The following SRSF3 variants were observed in gnomAD, a reference collection of about 807,000 sequenced individuals.
The protein encoded by SRSF3 is serine/arginine-rich splicing factor 3.
For missense variants in SRSF3, 58 were observed against 217.1 expected, an observed-to-expected ratio of 0.27 and a Z score of 4.61; for synonymous variants, 87 against 73.6, an observed-to-expected ratio of 1.18 and a Z score of -0.93.
At position 36,603,076 on chromosome 6, in the gene SRSF3, A is replaced by ATTTT; in HGVS notation, c.*1098_*1101dup. On this transcript the variant is annotated 3_prime_UTR_variant, in exon 6 of 6. Coordinates refer to ENST00000373715, the MANE Select transcript of SRSF3 (RefSeq NM_003017.5). ...ATGTCACCTAAGTGATAGTTAACCCATTTTTTTTTTTTTTAGGCATAGAAG... is the reference window on the plus strand; with the variant it reads ...ATGTCACCTAAGTGATAGTTAACCCATTTTTTTTTTTTTTTTTTAGGCATAGAAG... 5.1e-6 allele frequency: 1 copy of ATTTT among 197,632 alleles called. No homozygotes were observed. Among genetic ancestry groups the ATTTT allele is most frequent in the Non-Finnish European group, 1.0e-5 (1 of 98,834 alleles). 12.2% of individuals were successfully genotyped at this position (197,632 alleles called of 1,614,324 possible).
intron 2 of SRSF3, chr6:36,597,186 A>C: frequency 5.4e-6 from 3 of 559,656 alleles, no homozygotes; most frequent in Non-Finnish European, 9.4e-6. Context: ...GCTCCCCGCA[A>C]CCTCGGCCTC....
At position 36,594,390 on chromosome 6, in the gene SRSF3, A is replaced by G. The variant is rs1778588854; in HGVS notation, c.-94A>G. 2 of 152,528 alleles carry G rather than the reference A, an allele frequency of 1.3e-5. No individual in the cohort carries two copies. The highest frequency in any genetic ancestry group is 1.3e-4 in the Admixed American group (2 of 15,286). The allele number at this position is 152,528 out of a possible 1,614,324, so 9.4% of individuals were successfully genotyped here. A position where few individuals can be genotyped will look rare whatever the true frequency, so the allele number is the denominator to read the frequency against. On this transcript the variant is annotated 5_prime_UTR_variant, in exon 1 of 6. Coordinates refer to ENST00000373715, the MANE Select transcript of SRSF3 (RefSeq NM_003017.5). The stretch of plus-strand genomic sequence containing the variant: ...CCATTTCGTGGACGCCGGGTGAGTG[A>G]GAGAGTTGGTTGGTGTTGGGCCGGA...
chr6:36,599,413 C>G (rs542045494), intron 3 of SRSF3: 2 of 190,528 alleles, frequency 1.0e-5, no homozygotes, highest in South Asian at 1.9e-4. Flanking sequence ...AAGTAGAAAT[C>G]ATTCTGAGAC....
chr6:36,598,774 C>G (rs1430255306), intron 2 of SRSF3, 75 bp from the exon 3 acceptor site: 2 of 1,539,278 alleles, frequency 1.3e-6, no homozygotes, highest in Non-Finnish European at 1.8e-6. Context: ...GAATAGCCAA[C>G]TGAGAGTACT....
rs1042030090 is a variant in SRSF3 at position 36,596,579 on chromosome 6, G to C, written c.-2-182G>C. 5.6e-5 allele frequency among the ~76,000 whole-genome samples: 8 copies of C among 143,376 alleles called. 1 individual carries two copies. In the East Asian group the frequency reaches 1.8e-3, roughly 33 times the overall value. 94.1% of individuals were successfully genotyped at this position (143,376 alleles called of 152,430 possible). ...AAGATAATGGGGCGGGGTGGCGGGG[G>C]GGGGGAAATGGGTGCTTAGCAGTAA... On this transcript the variant is annotated intron_variant, in intron 1 of 5. Coordinates refer to ENST00000373715, the MANE Select transcript of SRSF3 (RefSeq NM_003017.5).
At position 36,598,929 on chromosome 6, in the gene SRSF3, G is replaced by T. The variant is rs1281096576; in HGVS notation, c.287G>T (p.Trp96Leu). ...RSRNRGPPPS[W>L]GRRPRDDYRR... is the part of the protein sequence containing the mutation. ...AGAAATCGTGGCCCACCTCCCTCTT[G>T]GGGTCGTCGCCCTCGAGATGATTAT... is the stretch of plus-strand genomic sequence containing the variant. The change falls in exon 3 of 6, where the codon TGG (tryptophan) becomes TTG (leucine). Residue 96 changes from tryptophan to leucine, a missense_variant. Physicochemically the swap from Trp to Leu is moderately conservative, Grantham distance 61. Coordinates refer to ENST00000373715, the MANE Select transcript of SRSF3 (RefSeq NM_003017.5). 6.2e-7 allele frequency: 1 copy of T among 1,614,164 alleles called. No homozygotes were observed. Among genetic ancestry groups the T allele is most frequent in the Admixed American group, 1.7e-5 (1 of 60,014 alleles).
In SRSF3 at chr6:36,594,489, A is replaced by C. The variant is rs1460252672; in HGVS notation, c.-3+8A>C. The C allele has an allele frequency of 6.6e-6, 1 of 152,354 alleles. No homozygotes were observed. Among genetic ancestry groups the C allele is most frequent in the East Asian group, 1.9e-4 (1 of 5,194 alleles). The allele number at this position is 152,354 out of a possible 1,614,324, so 9.4% of individuals were successfully genotyped here. ...TTTTAACCCTAGATCTCGGTAAGAG[A>C]CCAGCGAAAGAGGGAATGAGGTGGA... On this transcript the variant is annotated splice_region_variant and intron_variant, in intron 1 of 5. Transcript: ENST00000373715.
rs377718299 is a variant in SRSF3, at chr6:36,599,002, G to A, written c.341+19G>A. ...GTCGCAGGTACTTGAGAGAAAGCTT[G>A]TTAAGAGGTATTGGTGTAATGGAGT... On this transcript the variant is annotated intron_variant, in intron 3 of 5. Transcript: ENST00000373715. 6 of 1,613,732 alleles carry A rather than the reference G, an allele frequency of 3.7e-6. No individual in the cohort carries two copies. In the Admixed American group the frequency reaches 5.0e-5, roughly 13 times the overall value.
chr6:36,594,895 T>G (rs1247249090), intron 1 of SRSF3: 3 of 152,142 alleles, frequency 2.0e-5, no homozygotes, highest in Non-Finnish European at 4.4e-5. Flanking sequence ...CGTAGTCACC[T>G]TACTTTCATG....
At position 36,602,775 on chromosome 6, in the gene SRSF3, T is replaced by C. The variant is rs1191527176; in HGVS notation, c.*786T>C. The C allele has an allele frequency of 4.7e-6, 1 of 210,738 alleles. No individual in the cohort carries two copies. Among genetic ancestry groups the C allele is most frequent in the Non-Finnish European group, 9.7e-6 (1 of 103,610 alleles). 13.1% of individuals were successfully genotyped at this position (210,738 alleles called of 1,614,324 possible). A position where few individuals can be genotyped will look rare whatever the true frequency, so the allele number is the denominator to read the frequency against. On this transcript the variant is annotated 3_prime_UTR_variant, in exon 6 of 6. Coordinates refer to ENST00000373715, the MANE Select transcript of SRSF3 (RefSeq NM_003017.5). ...TGGGATTAAAGTTTTGGTTACAAATTGTTCTTTAACTTGAAAGCCTGTTTT... is the reference window on the plus strand; with the variant it reads ...TGGGATTAAAGTTTTGGTTACAAATCGTTCTTTAACTTGAAAGCCTGTTTT...
intron 3 of SRSF3, chr6:36,600,697 A>G (rs1778696722): frequency 6.5e-6 from 1 of 154,738 alleles, no homozygotes; most frequent in Non-Finnish European, 1.4e-5. Context: ...TGGCATCAAT[A>G]TTTACACCTA....
At chr6:36,595,647 G>T (rs1778614767) in intron 1 of SRSF3, among the ~76,000 whole-genome samples, 3 of 152,096 alleles carry the variant, frequency 2.0e-5, no homozygotes, top group Admixed American at 6.5e-5. Context: ...ATTTTCCAAC[G>T]TTGGAGGATT....
At chr6:36,601,572 G>C (rs1208992056) in intron 4 of SRSF3, 136 bp from the exon 5 acceptor site, 1 of 771,110 alleles carries the variant, frequency 1.3e-6, no homozygotes, top group Non-Finnish European at 2.1e-6. Context: ...TCAAACTCTT[G>C]GCTTCAAGTG....
intron 1 of SRSF3, among the ~76,000 whole-genome samples, chr6:36,595,007 G>C (rs1373629925): frequency 6.6e-6 from 1 of 152,156 alleles, no homozygotes; most frequent in African/African-American, 2.4e-5. Context: ...CATTAAAATG[G>C]AGGCTTAAGA....
chr6:36,595,078 G>T (rs1176574246), intron 1 of SRSF3, among the ~76,000 whole-genome samples: 1 of 152,142 alleles, frequency 6.6e-6, no homozygotes, highest in Non-Finnish European at 1.5e-5. Flanking sequence ...ACTTACTCCT[G>T]GGCACAGGGT....
chr6:36,597,144 C>T, intron 2 of SRSF3, 176 bp downstream of exon 2: 1 of 603,028 alleles, frequency 1.7e-6, no homozygotes, highest in Non-Finnish European at 2.8e-6. Flanking sequence ...CTTGCACTGT[C>T]ACTGGGCTGG....
rs1317736811 is a variant in SRSF3 at position 36,603,100 on chromosome 6, A to G, written c.*1111A>G. ...CATTTTTTTTTTTTTTAGGCATAGAAGCCAGTTCAGGGTCCATAATATTTA... is the reference window on the plus strand; with the variant it reads ...CATTTTTTTTTTTTTTAGGCATAGAGGCCAGTTCAGGGTCCATAATATTTA... On this transcript the variant is annotated 3_prime_UTR_variant, in exon 6 of 6. Transcript: ENST00000373715. 2 of 222,464 alleles carry G rather than the reference A, an allele frequency of 9.0e-6. No homozygotes were observed. The highest frequency in any genetic ancestry group is 1.8e-5 in the Non-Finnish European group (2 of 111,262). The allele number at this position is 222,464 out of a possible 1,614,324, so 13.8% of individuals were successfully genotyped here. A position where few individuals can be genotyped will look rare whatever the true frequency, so the allele number is the denominator to read the frequency against.
At chr6:36,601,063 G>GCC in intron 3 of SRSF3, 89 bp from the exon 4 acceptor site, 1 of 936,230 alleles carries the variant, frequency 1.1e-6, no homozygotes, top group Admixed American at 2.0e-5. Flanking sequence ...CATTCACTGG[G>GCC]CCCAACAGTG....
In SRSF3 at chr6:36,598,619, T is replaced by TGATCC. The variant is rs758725505; in HGVS notation, c.207-228_207-224dup. 1.9e-4 allele frequency: 85 copies of TGATCC among 449,582 alleles called. 1 individual carries two copies. Among genetic ancestry groups the TGATCC allele is most frequent in the South Asian group, 5.9e-4 (20 of 33,852 alleles). 27.8% of individuals were successfully genotyped at this position (449,582 alleles called of 1,614,324 possible). A position where few individuals can be genotyped will look rare whatever the true frequency, so the allele number is the denominator to read the frequency against. On this transcript the variant is annotated intron_variant, in intron 2 of 5. Transcript: ENST00000373715. ...AGATAGTGTCGAACTCTTGACCTTG[T>TGATCC]GATCCGCCTGCCTCGGCCTCATAAA... is the stretch of plus-strand genomic sequence containing the variant.
Sources: allele counts gnomAD v4.1 joint callset (sites outside exome capture counted in the v4.1 genomes callset), GRCh38; gene constraint gnomAD v4.1.1; transcripts MANE v1.5; gene names NCBI Gene and HGNC (gene_info 2026-07-23, HGNC 2026-07-21).